The following NPAS3 variants were observed in gnomAD, a reference collection of about 807,000 sequenced individuals.
NPAS3 encodes neuronal PAS domain-containing protein 3.
In NPAS3, 14 loss-of-function variants were observed where a neutral mutation model predicts 73.1. The ratio of observed to expected loss-of-function variants is 0.19; its 90% CI spans 0.13 to 0.30. The LOEUF (loss-of-function observed/expected upper bound fraction) is 0.30, where lower values mean the gene tolerates loss of function less well. Ranked by LOEUF, NPAS3 falls within the 10% of genes least tolerant of loss-of-function variation. The pLI is 1.00. For missense variants in NPAS3, 1,096 were observed against 1,250.0 expected (o/e 0.88, Z 1.86); for synonymous variants, 620 against 541.5 (o/e 1.14, Z -2.01).
At chr14:33,253,598 G>C (rs542063345) in intron 3 of NPAS3, among the ~76,000 whole-genome samples, 105 of 151,800 alleles carry the variant, frequency 6.9e-4, no homozygotes, top group Admixed American at 2.4e-3. Context: ...TCTCTCTTGT[G>C]CTCAAATTAT....
intron 3 of NPAS3, among the ~76,000 whole-genome samples, chr14:33,352,523 G>A (rs1373794867): frequency 6.6e-6 from 1 of 152,168 alleles, no homozygotes; most frequent in Non-Finnish European, 1.5e-5. Context: ...TACAGATGAG[G>A]AAACTAAGAT....
At chr14:33,755,324 C>T (rs7147742) in intron 7 of NPAS3, among the ~76,000 whole-genome samples, 40,078 of 151,940 alleles carry the variant, frequency 0.26, 6,030 homozygotes, top group African/African-American at 0.41. Context: ...AAGTAATTGA[C>T]CTCCTCATTT....
chr14:33,231,938 C>T (rs1316951636), intron 3 of NPAS3, among the ~76,000 whole-genome samples: 1 of 152,108 alleles, frequency 6.6e-6, no homozygotes, highest in African/African-American at 2.4e-5. Flanking sequence ...GCAAGAAAAA[C>T]TCAAAAATCA....
At chr14:33,065,028 T>A (rs1309966995) in intron 2 of NPAS3, among the ~76,000 whole-genome samples, 1 of 152,168 alleles carries the variant, frequency 6.6e-6, no homozygotes, top group African/African-American at 2.4e-5. Context: ...ACACTTATAT[T>A]TTTCCTGGTG....
intron 4 of NPAS3, among the ~76,000 whole-genome samples, chr14:33,502,683 G>C (rs1181531835): frequency 6.6e-6 from 1 of 151,620 alleles, no homozygotes; most frequent in African/African-American, 2.4e-5. Context: ...TCTCTTTACT[G>C]CTGCTGCGCC....
intron 4 of NPAS3, among the ~76,000 whole-genome samples, chr14:33,514,752 C>T (rs2053221339): frequency 6.6e-6 from 1 of 151,932 alleles, no homozygotes; most frequent in South Asian, 2.1e-4. Flanking sequence ...ACTGACATAC[C>T]TGTGATTATT....
chr14:33,622,804 G>A (rs2058113514), intron 5 of NPAS3, among the ~76,000 whole-genome samples: 1 of 152,142 alleles, frequency 6.6e-6, no homozygotes, highest in Non-Finnish European at 1.5e-5. Context: ...AAGAAGGGAA[G>A]TTGCTATAAG....
At chr14:33,647,991 C>T (rs2058883143) in intron 5 of NPAS3, among the ~76,000 whole-genome samples, 1 of 152,164 alleles carries the variant, frequency 6.6e-6, no homozygotes, top group African/African-American at 2.4e-5. Context: ...TTTATAGTCA[C>T]TGAACACCCT....
At chr14:32,942,093 G>T (rs767511486) in intron 1 of NPAS3, among the ~76,000 whole-genome samples, 152 of 152,228 alleles carry the variant, frequency 1.0e-3, no homozygotes, top group Non-Finnish European at 1.2e-3. Context: ...TTTCCTTGTA[G>T]CAGTTGAACA....
chr14:33,160,786 C>T (rs189965554), intron 2 of NPAS3, among the ~76,000 whole-genome samples: 66 of 151,392 alleles, frequency 4.4e-4, no homozygotes, highest in Admixed American at 2.9e-3. Context: ...GTGAAGTCAG[C>T]GCTCAGTTTT....
intron 3 of NPAS3, among the ~76,000 whole-genome samples, chr14:33,344,810 C>G (rs1055279632): frequency 2.0e-5 from 3 of 152,194 alleles, no homozygotes; most frequent in African/African-American, 7.2e-5. Context: ...TCCCCTGGAA[C>G]TGCTGTAAGA....
intron 4 of NPAS3, among the ~76,000 whole-genome samples, chr14:33,371,938 T>G (rs1156562176): frequency 6.6e-6 from 1 of 152,148 alleles, no homozygotes; most frequent in East Asian, 1.9e-4. Flanking sequence ...CTTAAGTAAC[T>G]CAAGTTCACA....
chr14:33,204,499 G>A lies in NPAS3; in HGVS notation c.141-10683G>A, dbSNP rs112870210. Among the ~76,000 whole-genome samples, 1,398 of 152,186 alleles carry A rather than the reference G, an allele frequency of 9.2e-3. 7 individuals carry two copies. Among genetic ancestry groups the A allele is most frequent in the Middle Eastern group, 0.017 (5 of 294 alleles). On this transcript the variant is annotated intron_variant, in intron 2 of 11. Transcript: ENST00000356141. ...CAGACTTGGGACAGGATCTGAGAGC[G>A]TGGTTCAGGAAGCACAGTCTGTGCA...
chr14:33,677,339 T>A (rs1237251815), intron 6 of NPAS3, among the ~76,000 whole-genome samples: 1 of 152,200 alleles, frequency 6.6e-6, no homozygotes, highest in East Asian at 1.9e-4. Context: ...AATGTTAATT[T>A]TTCTCATGAG....
chr14:33,709,410 C>T (rs1219603274), intron 6 of NPAS3, among the ~76,000 whole-genome samples: 1 of 152,164 alleles, frequency 6.6e-6, no homozygotes, highest in East Asian at 1.9e-4. Context: ...CTGCTACTTC[C>T]CGCCCCCATT....
intron 2 of NPAS3, among the ~76,000 whole-genome samples, chr14:33,184,008 A>C (rs2045896356): frequency 6.6e-6 from 1 of 152,152 alleles, no homozygotes. Flanking sequence ...TATCTAGTGA[A>C]ACCTTCCTTG....
intron 2 of NPAS3, among the ~76,000 whole-genome samples, chr14:33,161,995 A>ACTC (rs2044909084): frequency 6.6e-6 from 1 of 151,988 alleles, no homozygotes; most frequent in African/African-American, 2.4e-5. Flanking sequence ...AATAGGCCAT[A>ACTC]CTCCTCCAGG....
intron 4 of NPAS3, among the ~76,000 whole-genome samples, chr14:33,493,561 C>T (rs912179738): frequency 5.9e-5 from 9 of 152,198 alleles, no homozygotes; most frequent in South Asian, 4.1e-4. Context: ...TGTGTTAAGG[C>T]GTGCCCCATG....
intron 1 of NPAS3, among the ~76,000 whole-genome samples, chr14:33,030,805 A>G (rs535649003): frequency 8.3e-4 from 126 of 152,324 alleles, no homozygotes; most frequent in Non-Finnish European, 1.0e-3. Context: ...TTTTGTCTGT[A>G]CATATACACA....
Sources: gnomAD v4.1 joint callset for allele counts (sites outside exome capture counted in the v4.1 genomes callset) on GRCh38, gnomAD v4.1.1 for gene constraint, MANE v1.5 for transcripts, NCBI Gene and HGNC (gene_info 2026-07-23, HGNC 2026-07-21) for gene names.